Variants in TCF7L1 observed in about 807,000 individuals in gnomAD.
TCF7L1 encodes the protein transcription factor 7-like 1.
Under a neutral mutation model 63.7 loss-of-function variants are expected in TCF7L1, and 18 were observed. The observed-to-expected ratio is 0.28, with a 90% CI of 0.20 to 0.42. The LOEUF (loss-of-function observed/expected upper bound fraction) is 0.42, where lower values mean the gene tolerates loss of function less well. TCF7L1 is among the 10% of genes least tolerant of loss of function. The pLI, the probability that TCF7L1 is intolerant of heterozygous loss-of-function variation, is 1.00. For missense variants in TCF7L1, 654 were observed against 779.3 expected (o/e 0.84, Z 1.91); for synonymous variants, 355 against 340.9 (o/e 1.04, Z -0.46).
At chr2:85,208,608 G>A (rs1679469519) in intron 3 of TCF7L1, among the ~76,000 whole-genome samples, 2 of 152,152 alleles carry the variant, frequency 1.3e-5, no homozygotes, top group African/African-American at 4.8e-5. Context: ...TTCTATCTGT[G>A]TGTCTATCTT....
intron 3 of TCF7L1, among the ~76,000 whole-genome samples, chr2:85,180,485 C>T (rs574755033): frequency 6.6e-6 from 1 of 152,220 alleles, no homozygotes; most frequent in South Asian, 2.1e-4. Flanking sequence ...ATTATCATAC[C>T]CCTCAAATGT....
At chr2:85,170,132 G>A (rs1678514674) in intron 3 of TCF7L1, among the ~76,000 whole-genome samples, 1 of 152,168 alleles carries the variant, frequency 6.6e-6, no homozygotes, top group Non-Finnish European at 1.5e-5. Flanking sequence ...CTCACTCTCT[G>A]GAATAGCTCC....
chr2:85,133,843 C>T lies in TCF7L1; in HGVS notation c.159C>T (p.Ser53=). The T allele has an allele frequency of 6.6e-7, 1 of 1,507,278 alleles. No individual in the cohort carries two copies. The highest frequency in any genetic ancestry group is 8.9e-7 in the Non-Finnish European group (1 of 1,127,770). 93.4% of individuals were successfully genotyped at this position (1,507,278 alleles called of 1,614,324 possible). A position where few individuals can be genotyped will look rare whatever the true frequency, so the allele number is the denominator to read the frequency against. Residue 53 remains serine, a synonymous_variant, in exon 1 of 12, where the codon AGC becomes AGT. Coordinates refer to ENST00000282111, the MANE Select transcript of TCF7L1 (RefSeq NM_031283.3). The surrounding 1 kb of genome is among the most constrained non-coding windows in gnomAD (Gnocchi z 4.4). ...DEGGEEQEPS[S]DSASAQRDLD... Reference sequence around the variant, plus strand: ...GGGGCGAGGAGCAGGAGCCGAGCAGCGATAGCGCCTCGGCGCAGCGGGACC... The same window carrying T: ...GGGGCGAGGAGCAGGAGCCGAGCAGTGATAGCGCCTCGGCGCAGCGGGACC...
intron 3 of TCF7L1, among the ~76,000 whole-genome samples, chr2:85,198,484 C>G (rs1009987758): frequency 6.6e-6 from 1 of 152,202 alleles, no homozygotes; most frequent in Non-Finnish European, 1.5e-5. Context: ...TTTCCACAGG[C>G]AGGGGCTGGT....
At chr2:85,242,010 G>T (rs61157802) in intron 3 of TCF7L1, among the ~76,000 whole-genome samples, 1,681 of 95,210 alleles carry the variant, frequency 0.018, 40 homozygotes, top group African/African-American at 0.059. Flanking sequence ...TTGGGCGGAG[G>T]GGGGCGGTGG....
At chr2:85,179,935 G>A (rs544657001) in intron 3 of TCF7L1, among the ~76,000 whole-genome samples, 44 of 152,208 alleles carry the variant, frequency 2.9e-4, no homozygotes, top group African/African-American at 1.1e-3. Context: ...CTTTTCTCTG[G>A]GTGCCTTTCT....
intron 3 of TCF7L1, among the ~76,000 whole-genome samples, chr2:85,274,738 G>A (rs1681233206): frequency 6.6e-6 from 1 of 152,286 alleles, no homozygotes; most frequent in Non-Finnish European, 1.5e-5. Context: ...TTTTTGCTTA[G>A]AGAGCCAGTT....
At chr2:85,250,529 C>T (rs548813732) in intron 3 of TCF7L1, among the ~76,000 whole-genome samples, 1 of 152,108 alleles carries the variant, frequency 6.6e-6, no homozygotes, top group African/African-American at 2.4e-5. Context: ...CTCCACCTCC[C>T]GGGTTCAAGC....
chr2:85,178,569 G>A (rs963796829), intron 3 of TCF7L1, among the ~76,000 whole-genome samples: 3 of 152,240 alleles, frequency 2.0e-5, no homozygotes, highest in Middle Eastern at 3.4e-3. Flanking sequence ...GCCCTTTCAC[G>A]CTCCCACTCA....
At chr2:85,204,291 TCC>T (rs58706474) in intron 3 of TCF7L1, among the ~76,000 whole-genome samples, 3,317 of 22,074 alleles carry the variant, frequency 0.15, 373 homozygotes, top group African/African-American at 0.16. Context: ...ATAACTTGCT[TCC>T]CCCCCCCCCC....
intron 3 of TCF7L1, among the ~76,000 whole-genome samples, chr2:85,280,966 CTGTCT>C (rs1238433142): frequency 6.6e-6 from 1 of 151,228 alleles, no homozygotes; most frequent in East Asian, 1.9e-4. Flanking sequence ...CCAGCTCCAG[CTGTCT>C]TGTATGAAGT....
intron 3 of TCF7L1, among the ~76,000 whole-genome samples, chr2:85,216,018 G>C (rs970512784): frequency 6.6e-6 from 1 of 152,080 alleles, no homozygotes; most frequent in Non-Finnish European, 1.5e-5. Context: ...GGCGCTGGGC[G>C]GGGGACAATC....
chr2:85,304,123 C>G (rs766119938), intron 6 of TCF7L1, 126 bp downstream of exon 6: 7 of 1,206,166 alleles, frequency 5.8e-6, no homozygotes, highest in South Asian at 1.4e-5. Context: ...TCCCTGCCCC[C>G]GCCCAGGCAG....
At chr2:85,262,075 T>A (rs1336308857) in intron 3 of TCF7L1, 1 of 537,546 alleles carries the variant, frequency 1.9e-6, no homozygotes, top group East Asian at 5.1e-5. Context: ...GAATACCTCC[T>A]TTTAGCATGA....
Position 85,175,827 on chromosome 2 carries a change from C to T in TCF7L1, c.441+41377C>T, listed in dbSNP as rs1386595057. On this transcript the variant is annotated intron_variant, in intron 3 of 11. Transcript: ENST00000282111. Reference sequence around the variant, plus strand: ...AAGCGTGACCAATACTTTGGACTCTCTCAATGCTGGCCCTCTGCGGTTCAT... The same window carrying T: ...AAGCGTGACCAATACTTTGGACTCTTTCAATGCTGGCCCTCTGCGGTTCAT... Among the ~76,000 whole-genome samples, 4 of 152,224 alleles carry T rather than the reference C, an allele frequency of 2.6e-5. No individual in the cohort carries two copies. In the East Asian group the frequency reaches 5.8e-4, roughly 22 times the overall value.
intron 4 of TCF7L1, among the ~76,000 whole-genome samples, chr2:85,290,413 T>C (rs1421416075): frequency 6.6e-6 from 1 of 152,054 alleles, no homozygotes; most frequent in Non-Finnish European, 1.5e-5. Context: ...TGGCCTCAAG[T>C]GATCCGCCTG....
intron 3 of TCF7L1, among the ~76,000 whole-genome samples, chr2:85,152,647 CT>C (rs1393149420): frequency 2.1e-5 from 3 of 140,356 alleles, no homozygotes; most frequent in African/African-American, 8.6e-5. Context: ...GTTGGCCAGG[CT>C]GGTCTTAAAC....
At chr2:85,165,285 CAT>C (rs1246951567) in intron 3 of TCF7L1, among the ~76,000 whole-genome samples, 2 of 152,248 alleles carry the variant, frequency 1.3e-5, no homozygotes, top group African/African-American at 2.4e-5. Context: ...TGTGTGCACA[CAT>C]GTGCGCCTGT....
At chr2:85,252,962 C>T (rs996008067) in intron 3 of TCF7L1, among the ~76,000 whole-genome samples, 1 of 152,098 alleles carries the variant, frequency 6.6e-6, no homozygotes, top group African/African-American at 2.4e-5. Context: ...AATTTTAGGC[C>T]CTTTCTCAGA....
Sources: allele counts gnomAD v4.1 joint callset (sites outside exome capture counted in the v4.1 genomes callset), GRCh38; gene constraint gnomAD v4.1.1; non-coding constraint Gnocchi (gnomAD v3.1); transcripts MANE v1.5; gene names NCBI Gene and HGNC (gene_info 2026-07-23, HGNC 2026-07-21).